The following CCDC149 variants were observed in gnomAD, a reference collection of about 807,000 sequenced individuals.
CCDC149 encodes the protein coiled-coil domain containing 149, also known as coiled-coil domain-containing protein 149.
Under a neutral mutation model 59.9 loss-of-function variants are expected in CCDC149, and 45 were observed. The ratio of observed to expected loss-of-function variants is 0.75; its 90% CI spans 0.59 to 0.96. The LOEUF (loss-of-function observed/expected upper bound fraction) is 0.96. CCDC149 is among the 40% of genes least tolerant of loss of function. The pLI is 0.00. For synonymous variants in CCDC149, 245 were observed against 260.6 expected, an observed-to-expected ratio of 0.94 and a Z score of 0.58; for missense variants, 584 against 664.7, an observed-to-expected ratio of 0.88 and a Z score of 1.33.
intron 4 of CCDC149, among the ~76,000 whole-genome samples, chr4:24,847,389 G>A (rs1038530604): frequency 6.6e-6 from 1 of 152,166 alleles, no homozygotes; most frequent in Non-Finnish European, 1.5e-5. Context: ...TCATTGTCCT[G>A]TTCTCTTTTC....
intron 3 of CCDC149, among the ~76,000 whole-genome samples, chr4:24,868,806 T>C (rs188946010): frequency 6.6e-4 from 101 of 152,330 alleles, no homozygotes; most frequent in African/African-American, 2.3e-3. Context: ...CCCTGAGTCA[T>C]GGTAGTTACC....
chr4:24,847,202 T>C (rs956408255), intron 4 of CCDC149, among the ~76,000 whole-genome samples: 2 of 152,186 alleles, frequency 1.3e-5, no homozygotes, highest in African/African-American at 4.8e-5. Flanking sequence ...GAGAGGAAGA[T>C]CTTAAGATTT....
upstream of CCDC149, among the ~76,000 whole-genome samples, chr4:24,917,282 C>G (rs1722154966): frequency 6.6e-6 from 1 of 152,252 alleles, no homozygotes; most frequent in Non-Finnish European, 1.5e-5. Context: ...TCCCCTCCAG[C>G]CCCGCTGGCT....
At chr4:24,892,417 T>G (rs759742698) in intron 1 of CCDC149, among the ~76,000 whole-genome samples, 1 of 152,148 alleles carries the variant, frequency 6.6e-6, no homozygotes, top group Non-Finnish European at 1.5e-5. Context: ...CTTATATTCA[T>G]CATCATCATC....
chr4:24,916,787 GGTGTGT>G (rs55857592), upstream of CCDC149, among the ~76,000 whole-genome samples: 1,124 of 142,006 alleles, frequency 7.9e-3, 5 homozygotes, highest in Admixed American at 0.013. Flanking sequence ...GGTTTATAAT[GGTGTGT>G]GTGTGTGTGT....
intron 1 of CCDC149, among the ~76,000 whole-genome samples, chr4:24,948,610 C>A (rs1723189606): frequency 6.6e-6 from 1 of 152,208 alleles, no homozygotes. Context: ...TTGACACCTA[C>A]AACTCCCTCC....
chr4:24,946,200 C>T (rs1185832951), intron 1 of CCDC149, among the ~76,000 whole-genome samples: 1 of 152,194 alleles, frequency 6.6e-6, no homozygotes, highest in East Asian at 1.9e-4. Context: ...AGTGCTGTGA[C>T]CAGGCATCAC....
At chr4:24,855,966 G>T (rs1717978217) in intron 3 of CCDC149, among the ~76,000 whole-genome samples, 1 of 152,154 alleles carries the variant, frequency 6.6e-6, no homozygotes, top group Admixed American at 6.5e-5. Context: ...TTAATCTCTT[G>T]GGTCTCCCAT....
chr4:24,858,090 T>C (rs1373485796), intron 3 of CCDC149, among the ~76,000 whole-genome samples: 1 of 152,158 alleles, frequency 6.6e-6, no homozygotes, highest in Non-Finnish European at 1.5e-5. Context: ...GTTCACAGGA[T>C]TCTTTTGACC....
intron 1 of CCDC149, among the ~76,000 whole-genome samples, chr4:24,967,167 T>C (rs1218715551): frequency 2.0e-5 from 3 of 152,168 alleles, no homozygotes; most frequent in Non-Finnish European, 2.9e-5. Flanking sequence ...TTACAAGCCA[T>C]GGCCAGGGAA....
chr4:24,966,241 C>T (rs1397342485), intron 1 of CCDC149, among the ~76,000 whole-genome samples: 1 of 152,056 alleles, frequency 6.6e-6, no homozygotes, highest in Non-Finnish European at 1.5e-5. Context: ...GTGAAATACC[C>T]AAAATCATGA....
chr4:24,961,274 C>T (rs1455709499), intron 1 of CCDC149, among the ~76,000 whole-genome samples: 1 of 152,084 alleles, frequency 6.6e-6, no homozygotes, highest in East Asian at 1.9e-4. Flanking sequence ...CTCCAGACGC[C>T]TCCAACCAGA....
intron 1 of CCDC149, among the ~76,000 whole-genome samples, chr4:24,922,705 CT>C (rs1560257584): frequency 6.6e-6 from 1 of 152,056 alleles, no homozygotes. Context: ...ACTACAAAGG[CT>C]TTCCCCAGTG....
At chr4:24,956,258 C>T (rs1483469063) in intron 1 of CCDC149, among the ~76,000 whole-genome samples, 1 of 151,902 alleles carries the variant, frequency 6.6e-6, no homozygotes, top group African/African-American at 2.4e-5. Context: ...ACAAGGATTT[C>T]TCTGAACTTG....
At chr4:24,883,004 C>T (rs28634371) in intron 1 of CCDC149, among the ~76,000 whole-genome samples, 63,538 of 151,626 alleles carry the variant, frequency 0.42, 14,409 homozygotes, top group Non-Finnish European at 0.52. Context: ...CATATGCTTA[C>T]GTGCCTGTCC....
At chr4:24,836,239 C>T (rs753954037) in intron 7 of CCDC149, among the ~76,000 whole-genome samples, 197 bp downstream of exon 7, 2 of 152,186 alleles carry the variant, frequency 1.3e-5, no homozygotes, top group Non-Finnish European at 2.9e-5. Flanking sequence ...GGAGCTCTTG[C>T]GAAAAGCTGC....
At chr4:24,804,445 C>A (rs1714050828), downstream of CCDC149, among the ~76,000 whole-genome samples, 1 of 136,756 alleles carries the variant, frequency 7.3e-6, no homozygotes, top group Admixed American at 8.0e-5. Context: ...GAGCCGAGAT[C>A]ATGCCACTGC....
chr4:24,912,809 G>C lies in CCDC149; in HGVS notation c.63+8C>G. ...GCCCATCCCGCCTGGCCGGCGCCGC[G>C]GCCTCACCTCGCTCACCAGCCCCTG... On this transcript the variant is annotated splice_region_variant and intron_variant, in intron 1 of 12. Coordinates refer to ENST00000635206, the MANE Select transcript of CCDC149 (RefSeq NM_001330643.2). The C allele has an allele frequency of 7.5e-7, 1 of 1,327,962 alleles. No individual in the cohort carries two copies. Among genetic ancestry groups the C allele is most frequent in the Non-Finnish European group, 9.8e-7 (1 of 1,025,120 alleles). 82.3% of individuals were successfully genotyped at this position (1,327,962 alleles called of 1,614,324 possible).
chr4:24,876,790 T>C, intron 1 of CCDC149, 93 bp from the exon 2 acceptor site: 1 of 1,318,120 alleles, frequency 7.6e-7, no homozygotes, highest in Non-Finnish European at 1.0e-6. Context: ...TGGGGAATTT[T>C]TGCCATTCTC....
Sources: allele counts gnomAD v4.1 joint callset (sites outside exome capture counted in the v4.1 genomes callset), GRCh38; gene constraint gnomAD v4.1.1; transcripts MANE v1.5; gene names NCBI Gene and HGNC (gene_info 2026-07-23, HGNC 2026-07-21).